REV3L: variants seen among roughly 807,000 people sequenced by gnomAD.
REV3L encodes DNA polymerase zeta catalytic subunit.
REV3L carries 69 observed loss-of-function variants against 299.4 expected under a neutral mutation model. The ratio of observed to expected loss-of-function variants is 0.23; its 90% CI spans 0.19 to 0.28. The LOEUF (loss-of-function observed/expected upper bound fraction) is 0.28, where lower values mean the gene tolerates loss of function less well. REV3L is among the 10% of genes least tolerant of loss of function. The pLI is 1.00. For missense variants in REV3L, 3,128 were observed against 3,693.8 expected, an observed-to-expected ratio of 0.85 and a Z score of 3.97; for synonymous variants, 1,238 against 1,271.4, an observed-to-expected ratio of 0.97 and a Z score of 0.56.
At chr6:111,474,607 C>T (rs984598054) in intron 1 of REV3L, among the ~76,000 whole-genome samples, 2 of 152,168 alleles carry the variant, frequency 1.3e-5, no homozygotes, top group Non-Finnish European at 2.9e-5. Flanking sequence ...ACCCCAACGC[C>T]TTCCTTCAGC....
rs139524795 is a variant in REV3L at position 111,388,003 on chromosome 6, A to G, written c.945T>C (p.Ser315=). 9.4e-5 allele frequency: 152 copies of G among 1,611,394 alleles called. No homozygotes were observed. Among genetic ancestry groups the G allele is most frequent in the Non-Finnish European group, 1.2e-4 (143 of 1,178,464 alleles). Residue 315 remains serine (S), a splice_region_variant and synonymous_variant, in exon 8 of 32, where the codon TCT becomes TCC. Coordinates refer to ENST00000368802, the MANE Select transcript of REV3L (RefSeq NM_001372078.1). ...ATCTATAATAAATAACCACTTACAC[A>G]GAGAAATCATTCTGTTTGAGAATTT... The part of the protein sequence containing the change: ...LQEILKQNDF[S]VTLSGSVDYS...
chr6:111,415,974 G>A (rs573065891), intron 2 of REV3L, among the ~76,000 whole-genome samples: 80 of 152,192 alleles, frequency 5.3e-4, no homozygotes, highest in African/African-American at 1.5e-3. Context: ...TATCCCAAAC[G>A]CCTAGAACAG....
rs557399846 is a variant in REV3L at position 111,398,615 on chromosome 6, A to G, written c.566-5643T>C. On this transcript the variant is annotated intron_variant, in intron 4 of 31. Coordinates refer to ENST00000368802, the MANE Select transcript of REV3L (RefSeq NM_001372078.1). ...TCATTTTTGAATGTATTTTACTTTC[A>G]AAAGTAAAACTCCATGTATTATATT... Among the ~76,000 whole-genome samples the G allele has an allele frequency of 3.9e-4, 33 of 85,624 alleles. 1 individual carries two copies. The South Asian group carries it at 7.9e-3, about 21-fold the overall frequency. 56.2% of individuals were successfully genotyped at this position (85,624 alleles called of 152,430 possible).
chr6:111,335,446 C>G lies in REV3L; in HGVS notation c.7680+23G>C, dbSNP rs892208859. Reference sequence around the variant, plus strand: ...TATCACTCATACAGAACTTTCAAGTCTGCAAGAAAACTGATTTCCCACCTG... The same window carrying G: ...TATCACTCATACAGAACTTTCAAGTGTGCAAGAAAACTGATTTCCCACCTG... On this transcript the variant is annotated intron_variant, in intron 22 of 31. Coordinates refer to ENST00000368802, the MANE Select transcript of REV3L (RefSeq NM_001372078.1). 2.5e-6 allele frequency: 4 copies of G among 1,601,804 alleles called. No individual in the cohort carries two copies. The African/African-American group carries it at 4.0e-5, about 16-fold the overall frequency.
At chr6:111,332,545 T>A (rs1320901968) in intron 23 of REV3L, among the ~76,000 whole-genome samples, 1 of 152,140 alleles carries the variant, frequency 6.6e-6, no homozygotes, top group African/African-American at 2.4e-5. Context: ...ATGCTTTCTA[T>A]GAAGGAATAT....
intron 1 of REV3L, among the ~76,000 whole-genome samples, chr6:111,446,675 T>C (rs1194404815): frequency 6.6e-6 from 1 of 151,430 alleles, no homozygotes; most frequent in Non-Finnish European, 1.5e-5. Context: ...CACTCCAGCA[T>C]GAGCGACGGA....
At position 111,321,741 on chromosome 6, in the gene REV3L, T is replaced by A. The variant is rs79255013; in HGVS notation, c.8351+828A>T. Among the ~76,000 whole-genome samples the A allele has an allele frequency of 8.2e-3, 1,249 of 152,312 alleles. 19 individuals are homozygous for A. Among genetic ancestry groups the A allele is most frequent in the African/African-American group, 0.029 (1,189 of 41,556 alleles). ...AGATTACTTATAAGCTATTTAATGATCAGAAGCATTATCTCCTATTGCTCT... is the reference window on the plus strand; with the variant it reads ...AGATTACTTATAAGCTATTTAATGAACAGAAGCATTATCTCCTATTGCTCT... On this transcript the variant is annotated intron_variant, in intron 26 of 31. Transcript: ENST00000368802.
At chr6:111,377,889 A>G in intron 11 of REV3L, 46 bp from the exon 12 acceptor site, 12 of 1,525,312 alleles carry the variant, frequency 7.9e-6, no homozygotes, top group Non-Finnish European at 1.1e-5. Flanking sequence ...ATTAGTAAAG[A>G]CCATCTCAGA....
At position 111,375,287 on chromosome 6, in the gene REV3L, A is replaced by G; in HGVS notation, c.3068T>C (p.Phe1023Ser). ...LYKKLAPLKD[F>S]WPKVPDSPAT... ...AGGGGAGTCGGGAACTTTTGGCCAA[A>G]AGTCCTTCAAAGGTGCAAGCTTTTT... The change falls in exon 13 of 32, where the codon TTT becomes TCT. Residue 1023 changes from phenylalanine (F) to serine (S), a missense_variant. Transcript: ENST00000368802. 1 of 1,603,438 alleles carries G rather than the reference A, an allele frequency of 6.2e-7. No homozygotes were observed. Among genetic ancestry groups the G allele is most frequent in the Non-Finnish European group, 8.5e-7 (1 of 1,177,700 alleles).
At chr6:111,301,330 T>C (rs188473715) in intron 31 of REV3L, among the ~76,000 whole-genome samples, 40 of 152,300 alleles carry the variant, frequency 2.6e-4, no homozygotes, top group Middle Eastern at 6.8e-3. Flanking sequence ...GATCTCACTC[T>C]GCCTCTTTGC....
intron 9 of REV3L, among the ~76,000 whole-genome samples, chr6:111,382,162 C>T (rs981628170): frequency 6.6e-6 from 1 of 152,136 alleles, no homozygotes; most frequent in Non-Finnish European, 1.5e-5. Flanking sequence ...GTCCATGTGG[C>T]CATATGGAAT....
chr6:111,478,542 A>T (rs1793216784), intron 1 of REV3L, among the ~76,000 whole-genome samples: 1 of 151,842 alleles, frequency 6.6e-6, no homozygotes, highest in South Asian at 2.1e-4. Flanking sequence ...AACAAAGCAG[A>T]TTCTATTAGA....
chr6:111,338,312 C>CTTTTTTTTTTTTTTTTTTTTT (rs144497761), intron 21 of REV3L, among the ~76,000 whole-genome samples: 7 of 47,940 alleles, frequency 1.5e-4, no homozygotes, highest in African/African-American at 2.6e-4. Flanking sequence ...GTCTAAAGTC[C>CTTTTTTTTTTTTTTTTTTTTT]TTTTTTTTTT....
chr6:111,372,577 G>A lies in REV3L; in HGVS notation c.5759+19C>T. 1 of 1,468,968 alleles carries A rather than the reference G, an allele frequency of 6.8e-7. No individual in the cohort carries two copies. Among genetic ancestry groups the A allele is most frequent in the African/African-American group, 1.4e-5 (1 of 70,722 alleles). 91.0% of individuals were successfully genotyped at this position (1,468,968 alleles called of 1,614,324 possible). A position where few individuals can be genotyped will look rare whatever the true frequency, so the allele number is the denominator to read the frequency against. On this transcript the variant is annotated intron_variant, in intron 13 of 31. Coordinates refer to ENST00000368802, the MANE Select transcript of REV3L (RefSeq NM_001372078.1). ...TCATAATAATTCAGAGTGACCCAAG[G>A]GAAAAAATAACTGATTACCTGGGCT... is the stretch of plus-strand genomic sequence containing the variant.
chr6:111,322,453 G>A (rs1466816383), intron 26 of REV3L, 116 bp downstream of exon 26: 1 of 745,548 alleles, frequency 1.3e-6, no homozygotes. Flanking sequence ...CGTAAGGACT[G>A]GAAAGGACTC....
At chr6:111,324,937 C>T (rs1352620475) in intron 25 of REV3L, among the ~76,000 whole-genome samples, 1 of 151,590 alleles carries the variant, frequency 6.6e-6, no homozygotes, top group Non-Finnish European at 1.5e-5. Context: ...TCTCGGCTCA[C>T]TGCAACCTCT....
intron 1 of REV3L, among the ~76,000 whole-genome samples, chr6:111,474,890 T>C (rs1368577117): frequency 6.6e-6 from 1 of 151,950 alleles, no homozygotes; most frequent in Non-Finnish European, 1.5e-5. Context: ...AGTCCATCTT[T>C]GTCCTCTAGG....
At chr6:111,442,159 A>G (rs1262804190) in intron 1 of REV3L, among the ~76,000 whole-genome samples, 2 of 152,350 alleles carry the variant, frequency 1.3e-5, no homozygotes, top group East Asian at 3.9e-4. Context: ...AAAAATGTCA[A>G]TTAGACTGAG....
At chr6:111,381,898 CTT>C (rs973359986) in intron 9 of REV3L, among the ~76,000 whole-genome samples, 1 of 152,114 alleles carries the variant, frequency 6.6e-6, no homozygotes, top group African/African-American at 2.4e-5. Context: ...ATTGGACTCT[CTT>C]TTGAATGCAT....
Sources: gnomAD v4.1 joint callset for allele counts (sites outside exome capture counted in the v4.1 genomes callset) on GRCh38, gnomAD v4.1.1 for gene constraint, MANE v1.5 for transcripts, NCBI Gene and HGNC (gene_info 2026-07-23, HGNC 2026-07-21) for gene names.